FER: variants seen among roughly 807,000 people sequenced by gnomAD.
The protein encoded by FER is tyrosine-protein kinase Fer.
FER carries 63 observed loss-of-function variants against 111.0 expected under a neutral mutation model. The ratio of observed to expected loss-of-function variants is 0.57; its 90% CI spans 0.46 to 0.70. The LOEUF (loss-of-function observed/expected upper bound fraction) is 0.70, where lower values mean the gene tolerates loss of function less well. Among genes scored for constraint, FER ranks in the 30% least tolerant of loss-of-function variants. The pLI is 0.00. For synonymous variants in FER, 327 were observed against 313.9 expected, an observed-to-expected ratio of 1.04 and a Z score of -0.44; for missense variants, 914 against 954.0, an observed-to-expected ratio of 0.96 and a Z score of 0.55.
At chr5:109,109,559 C>G (rs1274110014) in intron 17 of FER, among the ~76,000 whole-genome samples, 1 of 152,088 alleles carries the variant, frequency 6.6e-6, no homozygotes, top group East Asian at 1.9e-4. Context: ...ATAATATTCA[C>G]TCCAGTACAC....
intron 15 of FER, among the ~76,000 whole-genome samples, chr5:109,044,997 T>C (rs188659897): frequency 5.8e-4 from 88 of 152,204 alleles, no homozygotes; most frequent in African/African-American, 2.0e-3. Flanking sequence ...TAAAAAGCAG[T>C]ATTATTCAAG....
At chr5:108,958,502 A>T (rs1178692528) in intron 12 of FER, among the ~76,000 whole-genome samples, 1 of 151,740 alleles carries the variant, frequency 6.6e-6, no homozygotes, top group Non-Finnish European at 1.5e-5. Flanking sequence ...CTCATAGGCC[A>T]ATTTGAAATA....
intron 13 of FER, among the ~76,000 whole-genome samples, chr5:109,016,499 A>G (rs1010312358): frequency 6.6e-6 from 1 of 152,094 alleles, no homozygotes; most frequent in African/African-American, 2.4e-5. Context: ...TTTCACTTTA[A>G]CCAAGGACAA....
chr5:109,091,237 G>C (rs948809664), intron 16 of FER, among the ~76,000 whole-genome samples: 1 of 152,178 alleles, frequency 6.6e-6, no homozygotes, highest in Non-Finnish European at 1.5e-5. Context: ...TTTTAAGGGG[G>C]CTGGGGAACC....
intron 17 of FER, among the ~76,000 whole-genome samples, chr5:109,160,510 A>T (rs1418203364): frequency 6.6e-6 from 1 of 152,174 alleles, no homozygotes; most frequent in African/African-American, 2.4e-5. Context: ...TGTGCAAAAT[A>T]CTATGTCTTC....
rs1261499744 is a variant in FER at position 109,188,438 on chromosome 5, A to AGAGTT, written c.*867_*871dup. 6 of 150,762 alleles carry AGAGTT rather than the reference A, an allele frequency of 4.0e-5. No homozygotes were observed. Among genetic ancestry groups the AGAGTT allele is most frequent in the African/African-American group, 7.3e-5 (3 of 41,178 alleles). The allele number at this position is 150,762 out of a possible 1,614,324, so 9.3% of individuals were successfully genotyped here. On this transcript the variant is annotated 3_prime_UTR_variant, in exon 20 of 20. Transcript: ENST00000281092. ...CAACGCATGAAACGTCGTCAAAGTT[A>AGAGTT]GAGTTGAGGCAGTTGCTTTTCAAGG...
At chr5:108,855,355 G>A (rs954498595) in intron 5 of FER, among the ~76,000 whole-genome samples, 2 of 152,024 alleles carry the variant, frequency 1.3e-5, no homozygotes, top group Non-Finnish European at 2.9e-5. Context: ...AAGACCGGCC[G>A]GGCGCGGTGG....
chr5:108,989,634 C>G (rs1007017921), intron 13 of FER, among the ~76,000 whole-genome samples: 1 of 151,514 alleles, frequency 6.6e-6, no homozygotes, highest in Admixed American at 6.6e-5. Flanking sequence ...TGTATTTTTT[C>G]TTTATTTGAT....
At chr5:109,159,615 G>A (rs1036571986) in intron 17 of FER, among the ~76,000 whole-genome samples, 5 of 152,118 alleles carry the variant, frequency 3.3e-5, no homozygotes, top group African/African-American at 7.2e-5. Flanking sequence ...TGTATAGTAC[G>A]GTCAGTACTA....
At chr5:108,804,562 C>T (rs141437496) in intron 3 of FER, among the ~76,000 whole-genome samples, 246 of 152,158 alleles carry the variant, frequency 1.6e-3, no homozygotes, top group South Asian at 4.8e-3. Flanking sequence ...TTTTATCAAA[C>T]GCTTCAATCT....
intron 16 of FER, chr5:109,051,637 G>A: frequency 6.3e-7 from 1 of 1,582,938 alleles, no homozygotes; most frequent in Non-Finnish European, 8.7e-7. Flanking sequence ...GAGGGGAGCA[G>A]TTGGTGAGGA....
At chr5:109,132,111 A>G (rs1752419315) in intron 17 of FER, among the ~76,000 whole-genome samples, 1 of 152,032 alleles carries the variant, frequency 6.6e-6, no homozygotes, top group Admixed American at 6.5e-5. Context: ...AGAAACAACC[A>G]AATACTTTGT....
chr5:108,757,764 C>G (rs1239479465), intron 1 of FER, among the ~76,000 whole-genome samples: 1 of 152,162 alleles, frequency 6.6e-6, no homozygotes, highest in Admixed American at 6.6e-5. Flanking sequence ...ATAGTTCTGA[C>G]AAATATCTTA....
intron 17 of FER, among the ~76,000 whole-genome samples, chr5:109,141,267 A>G (rs1753495812): frequency 6.6e-6 from 1 of 152,196 alleles, no homozygotes; most frequent in African/African-American, 2.4e-5. Context: ...ATTTTATTTT[A>G]TCATGAATAT....
intron 16 of FER, among the ~76,000 whole-genome samples, chr5:109,051,044 A>T (rs1301894541): frequency 6.6e-6 from 1 of 152,208 alleles, no homozygotes; most frequent in Non-Finnish European, 1.5e-5. Flanking sequence ...GTATCATGTA[A>T]TGGAACTCTT....
Position 109,192,997 on chromosome 5 carries a change from A to T in FER, c.*5422A>T, listed in dbSNP as rs926235771. The T allele has an allele frequency of 1.1e-4, 17 of 152,312 alleles. No homozygotes were observed. Among genetic ancestry groups the T allele is most frequent in the Admixed American group, 1.1e-3 (17 of 15,294 alleles). The allele number at this position is 152,312 out of a possible 1,614,324, so 9.4% of individuals were successfully genotyped here. A position where few individuals can be genotyped will look rare whatever the true frequency, so the allele number is the denominator to read the frequency against. ...AAGGGCAGTAACAAAGCACCAATGTAAAATGACCCATAGCCAACAATAAAT... is the reference window on the plus strand; with the variant it reads ...AAGGGCAGTAACAAAGCACCAATGTTAAATGACCCATAGCCAACAATAAAT... On this transcript the variant is annotated 3_prime_UTR_variant, in exon 20 of 20. Transcript: ENST00000281092.
chr5:109,092,881 A>G (rs1346213982), intron 16 of FER, among the ~76,000 whole-genome samples: 4 of 152,202 alleles, frequency 2.6e-5, no homozygotes, highest in Non-Finnish European at 5.9e-5. Flanking sequence ...AGATGAATGG[A>G]TAAAGAAAAT....
At chr5:109,098,735 T>C (rs1340709281) in intron 16 of FER, among the ~76,000 whole-genome samples, 1 of 151,716 alleles carries the variant, frequency 6.6e-6, no homozygotes, top group Non-Finnish European at 1.5e-5. Context: ...ATAGAAACTA[T>C]TTCAGTCATC....
intron 16 of FER, among the ~76,000 whole-genome samples, chr5:109,056,654 G>C (rs1484279122): frequency 6.6e-6 from 1 of 152,152 alleles, no homozygotes; most frequent in African/African-American, 2.4e-5. Flanking sequence ...TTTACAACAT[G>C]TGAACTATAG....
Sources: allele counts gnomAD v4.1 joint callset (sites outside exome capture counted in the v4.1 genomes callset), GRCh38; gene constraint gnomAD v4.1.1; transcripts MANE v1.5; gene names NCBI Gene and HGNC (gene_info 2026-07-23, HGNC 2026-07-21).